The following SBF2 variants were observed in gnomAD, a reference collection of about 807,000 sequenced individuals.
SBF2 encodes myotubularin-related protein 13.
SBF2 carries 112 observed loss-of-function variants against 225.2 expected under a neutral mutation model. The observed-to-expected ratio is 0.50, with a 90% CI of 0.43 to 0.58. SBF2 has a LOEUF of 0.58. Ranked by LOEUF, SBF2 falls within the 20% of genes least tolerant of loss-of-function variation. The pLI, the probability that SBF2 is intolerant of heterozygous loss-of-function variation, is 0.00. For missense variants in SBF2, 1,996 were observed against 2,206.2 expected (o/e 0.90, Z 1.91); for synonymous variants, 763 against 773.3 (o/e 0.99, Z 0.22).
At chr11:9,792,945 T>G (rs1344898098) in intron 33 of SBF2, among the ~76,000 whole-genome samples, 229 of 148,758 alleles carry the variant, frequency 1.5e-3, no homozygotes, top group African/African-American at 5.2e-3. Context: ...GTGTGTTTTT[T>G]TTTTTTTTTT....
At chr11:10,201,701 GAAGTGA>G (rs1957576324) in intron 1 of SBF2, among the ~76,000 whole-genome samples, 1 of 152,168 alleles carries the variant, frequency 6.6e-6, no homozygotes, top group Non-Finnish European at 1.5e-5. Context: ...GGCTTTTACA[GAAGTGA>G]AAAAGAATGC....
intron 29 of SBF2, among the ~76,000 whole-genome samples, chr11:9,813,298 C>T (rs1303755519): frequency 6.6e-6 from 1 of 152,130 alleles, no homozygotes; most frequent in African/African-American, 2.4e-5. Flanking sequence ...AAATCACTTT[C>T]TTACTGCCCC....
chr11:9,999,360 G>A lies in SBF2; in HGVS notation c.862-981C>T, dbSNP rs150726820. On this transcript the variant is annotated intron_variant, in intron 8 of 39. Transcript: ENST00000256190. ...ATTTTTGAGACAGAGTCTTACTCTC[G>A]CCCAGGCTGGAGTATAGTGGTGCAA... Among the ~76,000 whole-genome samples, 20 of 151,650 alleles carry A rather than the reference G, an allele frequency of 1.3e-4. 1 individual carries two copies. Among genetic ancestry groups the A allele is most frequent in the African/African-American group, 4.1e-4 (17 of 41,310 alleles).
chr11:9,866,032 C>T (rs903991788), intron 17 of SBF2, among the ~76,000 whole-genome samples: 12 of 152,126 alleles, frequency 7.9e-5, no homozygotes, highest in African/African-American at 2.4e-4. Flanking sequence ...TTTAGTAGGG[C>T]CTGGAAGTAC....
intron 17 of SBF2, among the ~76,000 whole-genome samples, chr11:9,885,442 C>T (rs1475435043): frequency 1.3e-5 from 2 of 151,966 alleles, no homozygotes; most frequent in African/African-American, 2.4e-5. Context: ...CCAACCCTCA[C>T]GTTGCCCACG....
chr11:10,041,827 C>G (rs1949667581), intron 3 of SBF2, among the ~76,000 whole-genome samples: 1 of 99,662 alleles, frequency 1.0e-5, no homozygotes, highest in South Asian at 3.3e-4. Flanking sequence ...GCAGAAACTA[C>G]AGTAGATTAT....
chr11:10,043,368 A>G (rs1412189618), intron 2 of SBF2, among the ~76,000 whole-genome samples: 3 of 152,228 alleles, frequency 2.0e-5, no homozygotes, highest in Non-Finnish European at 4.4e-5. Flanking sequence ...TTAAATTTCC[A>G]TATGAATCTG....
chr11:9,884,140 G>A (rs1039133246), intron 17 of SBF2, among the ~76,000 whole-genome samples: 1 of 152,176 alleles, frequency 6.6e-6, no homozygotes, highest in Non-Finnish European at 1.5e-5. Context: ...TGATTCTAAT[G>A]TGCAGCAGAG....
At chr11:10,065,904 G>A (rs1056435855) in intron 2 of SBF2, among the ~76,000 whole-genome samples, 2 of 152,072 alleles carry the variant, frequency 1.3e-5, no homozygotes, top group Admixed American at 6.6e-5. Flanking sequence ...CCAAGATCGC[G>A]CCATTGCACT....
chr11:10,074,469 C>A (rs1034000644), intron 2 of SBF2, among the ~76,000 whole-genome samples: 5 of 152,108 alleles, frequency 3.3e-5, no homozygotes, highest in Non-Finnish European at 7.4e-5. Flanking sequence ...AAATGTTCTT[C>A]GAATTTTATA....
intron 1 of SBF2, among the ~76,000 whole-genome samples, chr11:10,244,110 C>T (rs1035309416): frequency 6.6e-5 from 10 of 152,132 alleles, no homozygotes; most frequent in Admixed American, 5.2e-4. Flanking sequence ...CCTCCTGGGA[C>T]GTAAACATAG....
At chr11:10,294,234 C>T (rs1964369458), upstream of SBF2, 7 of 479,882 alleles carry the variant, frequency 1.5e-5, no homozygotes, top group East Asian at 1.9e-4. Flanking sequence ...TTGCGCGGCG[C>T]CTAGTGCCCG....
At chr11:10,211,307 T>C (rs1056620285) in intron 1 of SBF2, among the ~76,000 whole-genome samples, 37 of 152,284 alleles carry the variant, frequency 2.4e-4, no homozygotes, top group Admixed American at 2.6e-4. Context: ...ATGGCAGTTT[T>C]TATAGATTGT....
At chr11:10,136,660 G>A (rs1408728844) in intron 2 of SBF2, among the ~76,000 whole-genome samples, 3 of 152,164 alleles carry the variant, frequency 2.0e-5, no homozygotes, top group Non-Finnish European at 4.4e-5. Context: ...ACTCTTGTGG[G>A]ACTGAGCCTT....
In SBF2 at chr11:9,780,378, T is replaced by A. The variant is rs3751000; in HGVS notation, c.*40A>T. 9 of 1,518,986 alleles carry A rather than the reference T, an allele frequency of 5.9e-6. No homozygotes were observed. Among genetic ancestry groups the A allele is most frequent in the Non-Finnish European group, 8.2e-6 (9 of 1,095,374 alleles). 94.1% of individuals were successfully genotyped at this position (1,518,986 alleles called of 1,614,324 possible). A position where few individuals can be genotyped will look rare whatever the true frequency, so the allele number is the denominator to read the frequency against. ...TTCTTTTTCTATCTATCTGGCAGCA[T>A]GAGTTCTTCTGTTTCTTCTGCGTGG... On this transcript the variant is annotated 3_prime_UTR_variant, in exon 40 of 40. Transcript: ENST00000256190.
intron 17 of SBF2, among the ~76,000 whole-genome samples, chr11:9,894,328 C>A (rs1861068954): frequency 6.6e-6 from 1 of 152,070 alleles, no homozygotes; most frequent in East Asian, 1.9e-4. Context: ...ACCATTCTGG[C>A]CAACACGGTG....
In SBF2 at chr11:9,833,704, G is replaced by A. The variant is rs543118312; in HGVS notation, c.3456-1284C>T. On this transcript the variant is annotated intron_variant, in intron 26 of 39. Transcript: ENST00000256190. ...CAAAGTGCTGGGATTACAGGCATGA[G>A]CCACCGTGCCCAGCTGGTGATTTAT... Among the ~76,000 whole-genome samples, 81 of 151,418 alleles carry A rather than the reference G, an allele frequency of 5.3e-4. 1 individual carries two copies. The highest frequency in any genetic ancestry group is 9.4e-4 in the Non-Finnish European group (64 of 67,930).
At chr11:9,872,021 T>C (rs1858813820) in intron 17 of SBF2, among the ~76,000 whole-genome samples, 3 of 152,216 alleles carry the variant, frequency 2.0e-5, no homozygotes, top group Admixed American at 6.5e-5. Context: ...CATGCATGCA[T>C]ATGTTCATTG....
At chr11:10,219,405 G>T (rs545689136) in intron 1 of SBF2, among the ~76,000 whole-genome samples, 30 of 152,156 alleles carry the variant, frequency 2.0e-4, no homozygotes, top group Admixed American at 9.2e-4. Context: ...CCTGGGCCTG[G>T]CCCAGGAAAC....
Sources: allele counts gnomAD v4.1 joint callset (sites outside exome capture counted in the v4.1 genomes callset), GRCh38; gene constraint gnomAD v4.1.1; transcripts MANE v1.5; gene names NCBI Gene and HGNC (gene_info 2026-07-23, HGNC 2026-07-21).